TTC28: variants seen among roughly 807,000 people sequenced by gnomAD.
TTC28 encodes tetratricopeptide repeat domain 28, also known as tetratricopeptide repeat protein 28.
Under a neutral mutation model 198.0 loss-of-function variants are expected in TTC28, and 61 were observed. The observed-to-expected ratio is 0.31, with a 90% CI of 0.25 to 0.38. The LOEUF (loss-of-function observed/expected upper bound fraction) is 0.38, where lower values mean the gene tolerates loss of function less well. TTC28 is among the 10% of genes least tolerant of loss of function. The pLI, the probability that TTC28 is intolerant of heterozygous loss-of-function variation, is 1.00. For missense variants in TTC28, 2,678 were observed against 3,164.0 expected (o/e 0.85, Z 3.69); for synonymous variants, 1,171 against 1,297.8 (o/e 0.90, Z 2.10).
chr22:28,457,928 T>C (rs1371113409), intron 2 of TTC28, among the ~76,000 whole-genome samples: 1 of 152,164 alleles, frequency 6.6e-6, no homozygotes, highest in African/African-American at 2.4e-5. Flanking sequence ...TAACTCTAAA[T>C]GAAGTTTTGC....
In TTC28 at chr22:28,527,891, C is replaced by T. The variant is rs147923436; in HGVS notation, c.381+101661G>A. ...CAAGTGATCCTCCCACCTTGACCTC[C>T]CAAGGTTTACAGGCATGAGCCGCCA... On this transcript the variant is annotated intron_variant, in intron 2 of 22. Transcript: ENST00000397906. 1.5e-3 allele frequency among the ~76,000 whole-genome samples: 234 copies of T among 152,238 alleles called. 1 individual carries two copies. Among genetic ancestry groups the T allele is most frequent in the Non-Finnish European group, 2.4e-3 (163 of 68,008 alleles).
chr22:28,002,237 C>T (rs1299613866), intron 14 of TTC28: 2 of 152,554 alleles, frequency 1.3e-5, no homozygotes, highest in Non-Finnish European at 2.9e-5. Flanking sequence ...AGGGCGCGGG[C>T]ATCTTAATGA....
chr22:28,338,424 C>T (rs2045769211), intron 2 of TTC28, among the ~76,000 whole-genome samples: 1 of 152,198 alleles, frequency 6.6e-6, no homozygotes, highest in South Asian at 2.1e-4. Flanking sequence ...GGATAATATC[C>T]TGAGAGTGTT....
At chr22:28,635,329 A>C (rs544107843) in intron 1 of TTC28, among the ~76,000 whole-genome samples, 4 of 152,356 alleles carry the variant, frequency 2.6e-5, no homozygotes, top group Non-Finnish European at 5.9e-5. Context: ...TCAAAAAAAC[A>C]AAACAAAGCA....
At chr22:28,348,243 C>G (rs956044251) in intron 2 of TTC28, among the ~76,000 whole-genome samples, 1 of 152,200 alleles carries the variant, frequency 6.6e-6, no homozygotes, top group African/African-American at 2.4e-5. Flanking sequence ...ATAGGAGATG[C>G]AGCTCCAGCC....
intron 12 of TTC28, among the ~76,000 whole-genome samples, chr22:28,050,289 CA>C (rs1168140361): frequency 3.9e-5 from 6 of 152,162 alleles, no homozygotes; most frequent in Non-Finnish European, 7.3e-5. Context: ...TAAAGGCAAT[CA>C]GGGGCTGAGA....
At chr22:28,565,924 C>T (rs981095483) in intron 2 of TTC28, among the ~76,000 whole-genome samples, 2 of 152,122 alleles carry the variant, frequency 1.3e-5, no homozygotes, top group Admixed American at 1.3e-4. Flanking sequence ...GGAAAGCTTA[C>T]TCCATTTATC....
rs948830458 is a variant in TTC28 at position 28,504,503 on chromosome 22, A to G, written c.381+125049T>C. Among the ~76,000 whole-genome samples the G allele has an allele frequency of 1.7e-4, 26 of 152,172 alleles. 1 individual carries two copies. The highest frequency in any genetic ancestry group is 1.6e-3 in the Admixed American group (25 of 15,286). On this transcript the variant is annotated intron_variant, in intron 2 of 22. Transcript: ENST00000397906. ...AATTCCACACTTCCTCTATTGTATTATAATGATGTGGTGTTTACCTGTAAG... is the reference window on the plus strand; with the variant it reads ...AATTCCACACTTCCTCTATTGTATTGTAATGATGTGGTGTTTACCTGTAAG...
At chr22:28,437,211 T>C (rs1232263139) in intron 2 of TTC28, among the ~76,000 whole-genome samples, 1 of 151,844 alleles carries the variant, frequency 6.6e-6, no homozygotes, top group Admixed American at 6.6e-5. Context: ...GCCAGCTGAG[T>C]TGCTGGGTTA....
chr22:28,067,765 C>T (rs1047336229), intron 12 of TTC28, among the ~76,000 whole-genome samples: 10 of 152,294 alleles, frequency 6.6e-5, no homozygotes, highest in Admixed American at 3.9e-4. Flanking sequence ...CTTGGAAGAA[C>T]GCTTTTAAAA....
chr22:28,263,189 A>G (rs1931441719), intron 5 of TTC28, among the ~76,000 whole-genome samples: 1 of 152,174 alleles, frequency 6.6e-6, no homozygotes, highest in African/African-American at 2.4e-5. Flanking sequence ...AATAATGACT[A>G]GCATCTATTA....
intron 2 of TTC28, among the ~76,000 whole-genome samples, chr22:28,484,558 A>G (rs2048294061): frequency 6.6e-6 from 1 of 152,210 alleles, no homozygotes; most frequent in Admixed American, 6.5e-5. Flanking sequence ...GACAACCTCA[A>G]CAAAACATCC....
At chr22:28,422,476 T>C (rs1196370996) in intron 2 of TTC28, among the ~76,000 whole-genome samples, 7 of 151,966 alleles carry the variant, frequency 4.6e-5, no homozygotes, top group Non-Finnish European at 1.5e-5. Flanking sequence ...TCTCGCTCTG[T>C]CGCCAAGGCT....
At chr22:28,584,843 A>T (rs1268375519) in intron 2 of TTC28, among the ~76,000 whole-genome samples, 1 of 152,212 alleles carries the variant, frequency 6.6e-6, no homozygotes. Context: ...TAAGGGTTGG[A>T]AAGAAAAATA....
At chr22:28,608,844 T>C (rs1447653106) in intron 2 of TTC28, among the ~76,000 whole-genome samples, 7 of 152,148 alleles carry the variant, frequency 4.6e-5, no homozygotes, top group Admixed American at 3.9e-4. Flanking sequence ...TAGATACACA[T>C]GACAAAGAAT....
chr22:28,062,030 G>A (rs578211632), intron 12 of TTC28, among the ~76,000 whole-genome samples: 29 of 152,080 alleles, frequency 1.9e-4, no homozygotes, highest in South Asian at 1.2e-3. Flanking sequence ...GTCTGTTATC[G>A]GTGTATAACT....
intron 5 of TTC28, among the ~76,000 whole-genome samples, chr22:28,208,833 G>A (rs1926645702): frequency 1.3e-5 from 2 of 152,012 alleles, no homozygotes; most frequent in African/African-American, 4.8e-5. Context: ...CGGCCTCTGG[G>A]AAGAAGTCTG....
intron 6 of TTC28, among the ~76,000 whole-genome samples, chr22:28,137,019 G>C (rs1444519174): frequency 6.6e-6 from 1 of 152,202 alleles, no homozygotes; most frequent in African/African-American, 2.4e-5. Flanking sequence ...GCTGAATTAA[G>C]GGGCATGGAA....
At chr22:28,325,427 A>T (rs548948980) in intron 2 of TTC28, among the ~76,000 whole-genome samples, 1 of 152,180 alleles carries the variant, frequency 6.6e-6, no homozygotes, top group Non-Finnish European at 1.5e-5. Context: ...ACCTCATCAC[A>T]CTAAATGAAA....
Sources: gnomAD v4.1 joint callset for allele counts (sites outside exome capture counted in the v4.1 genomes callset) on GRCh38, gnomAD v4.1.1 for gene constraint, MANE v1.5 for transcripts, NCBI Gene and HGNC (gene_info 2026-07-23, HGNC 2026-07-21) for gene names.